Variants in NRXN3 observed in about 807,000 individuals in gnomAD.
NRXN3 encodes neurexin 3.
A neutral mutation model predicts 137.6 loss-of-function variants in NRXN3; 32 were observed. The ratio of observed to expected loss-of-function variants is 0.23; its 90% CI spans 0.18 to 0.31. The LOEUF is 0.31. Ranked by LOEUF, NRXN3 falls within the 10% of genes least tolerant of loss-of-function variation. NRXN3 has a pLI of 1.00. For missense variants in NRXN3, 1,574 were observed against 2,062.5 expected, an observed-to-expected ratio of 0.76 and a Z score of 4.59; for synonymous variants, 798 against 784.5, an observed-to-expected ratio of 1.02 and a Z score of -0.29.
At chr14:78,778,698 CTTTCTTT>C (rs1242379242) in intron 8 of NRXN3, among the ~76,000 whole-genome samples, 21 of 145,128 alleles carry the variant, frequency 1.4e-4, no homozygotes, top group Middle Eastern at 7.3e-3. Context: ...TTCTTTCTTT[CTTTCTTT>C]CTTTCTTTCT....
chr14:78,455,959 C>T (rs967463174), intron 4 of NRXN3, among the ~76,000 whole-genome samples: 7 of 152,202 alleles, frequency 4.6e-5, no homozygotes, highest in African/African-American at 1.4e-4. Flanking sequence ...CCTTAGTCTT[C>T]TCTTGGTCAA....
chr14:79,295,414 A>G (rs959299909), intron 15 of NRXN3, among the ~76,000 whole-genome samples: 1 of 152,160 alleles, frequency 6.6e-6, no homozygotes, highest in African/African-American at 2.4e-5. Flanking sequence ...ATAAAAAATA[A>G]AAAGCACTCT....
At chr14:78,643,928 G>A (rs1042094189) in intron 4 of NRXN3, among the ~76,000 whole-genome samples, 1 of 152,106 alleles carries the variant, frequency 6.6e-6, no homozygotes. Context: ...AGATCACAAA[G>A]TCAAGAGATT....
chr14:78,217,814 C>A (rs1229736449), intron 1 of NRXN3, among the ~76,000 whole-genome samples: 1 of 152,120 alleles, frequency 6.6e-6, no homozygotes, highest in Admixed American at 6.5e-5. Flanking sequence ...GGCGTGTACA[C>A]CATGCCTGGC....
intron 10 of NRXN3, among the ~76,000 whole-genome samples, chr14:78,937,081 G>A (rs1207262868): frequency 6.6e-6 from 1 of 151,404 alleles, no homozygotes; most frequent in Non-Finnish European, 1.5e-5. Context: ...AATTAGCCAG[G>A]TGTGGTGGCA....
chr14:79,080,920 A>T lies in NRXN3; in HGVS notation c.3262+92779A>T, dbSNP rs573335812. Among the ~76,000 whole-genome samples, 3 of 152,352 alleles carry T rather than the reference A, an allele frequency of 2.0e-5. No individual in the cohort carries two copies. The East Asian group carries it at 5.8e-4, about 29-fold the overall frequency. ...GTCTTTTGGCCAGAAGGAAATATAC[A>T]TTATATAATCCGGTGGTTTATCTTC... On this transcript the variant is annotated intron_variant, in intron 15 of 20. Transcript: ENST00000335750.
chr14:79,467,136 T>C (rs945708295), intron 15 of NRXN3, 85 bp from the exon 16 acceptor site: 56 of 1,300,954 alleles, frequency 4.3e-5, no homozygotes, highest in African/African-American at 5.9e-5. Flanking sequence ...TCTGCAGCTG[T>C]TCTGTGTAGG....
chr14:79,471,935 C>T (rs1054375198), intron 16 of NRXN3, among the ~76,000 whole-genome samples: 2 of 152,096 alleles, frequency 1.3e-5, no homozygotes, highest in Non-Finnish European at 2.9e-5. Flanking sequence ...ATTATTTCAT[C>T]GCCCAGGTAT....
chr14:78,936,027 G>A (rs1355789121), intron 10 of NRXN3, among the ~76,000 whole-genome samples: 5 of 152,118 alleles, frequency 3.3e-5, no homozygotes, highest in Middle Eastern at 3.4e-3. Context: ...CACGTAATCC[G>A]CTTCACATTC....
chr14:79,707,884 G>T (rs1037762550), intron 19 of NRXN3, among the ~76,000 whole-genome samples: 1 of 152,136 alleles, frequency 6.6e-6, no homozygotes, highest in Non-Finnish European at 1.5e-5. Context: ...AGGAGAGAAA[G>T]ACAGCAGCGA....
chr14:78,466,351 G>T (rs1462682034), intron 4 of NRXN3, among the ~76,000 whole-genome samples: 2 of 152,198 alleles, frequency 1.3e-5, no homozygotes, highest in Non-Finnish European at 2.9e-5. Flanking sequence ...TGTACAAAGG[G>T]ATAAGGATGG....
At chr14:79,538,723 A>G (rs1053391404) in intron 16 of NRXN3, among the ~76,000 whole-genome samples, 2 of 152,252 alleles carry the variant, frequency 1.3e-5, no homozygotes, top group East Asian at 1.9e-4. Flanking sequence ...TAGTTTGCCA[A>G]TCGCAGCCAC....
intron 20 of NRXN3, among the ~76,000 whole-genome samples, chr14:79,851,582 A>G (rs2099391486): frequency 6.6e-6 from 1 of 152,134 alleles, no homozygotes; most frequent in Admixed American, 6.6e-5. Flanking sequence ...AAAGTCCCCT[A>G]AAAGAGTTCT....
chr14:79,034,349 TACACACACAC>T (rs56226324), intron 15 of NRXN3, among the ~76,000 whole-genome samples: 24 of 144,426 alleles, frequency 1.7e-4, no homozygotes, highest in African/African-American at 2.6e-4. Context: ...TCTTATTTCT[TACACACACAC>T]ACACACACAC....
At chr14:78,259,077 A>T (rs1043689650) in intron 2 of NRXN3, among the ~76,000 whole-genome samples, 2 of 151,278 alleles carry the variant, frequency 1.3e-5, no homozygotes, top group South Asian at 2.1e-4. Flanking sequence ...GGTTGCAGTG[A>T]GCCAAGATCG....
intron 15 of NRXN3, among the ~76,000 whole-genome samples, chr14:79,011,323 G>C (rs925100024): frequency 1.9e-4 from 29 of 150,616 alleles, no homozygotes; most frequent in Non-Finnish European, 3.2e-4. Context: ...ACTAGGTGGC[G>C]CTTTGGTCTC....
At chr14:78,276,048 G>T (rs1214432641) in intron 2 of NRXN3, among the ~76,000 whole-genome samples, 1 of 152,192 alleles carries the variant, frequency 6.6e-6, no homozygotes, top group Admixed American at 6.5e-5. Flanking sequence ...TTGGAATAAT[G>T]CTCAGACCTG....
At chr14:79,215,408 T>TAC (rs1422212971) in intron 15 of NRXN3, among the ~76,000 whole-genome samples, 1 of 152,050 alleles carries the variant, frequency 6.6e-6, no homozygotes, top group African/African-American at 2.4e-5. Context: ...TGTGTATATA[T>TAC]ATATAGAATT....
chr14:79,300,668 T>G (rs2084987013), intron 15 of NRXN3, among the ~76,000 whole-genome samples: 1 of 152,024 alleles, frequency 6.6e-6, no homozygotes, highest in Admixed American at 6.6e-5. Context: ...CTTGAGAGCT[T>G]GGAAATCATA....
Sources: gnomAD v4.1 joint callset for allele counts (sites outside exome capture counted in the v4.1 genomes callset) on GRCh38, gnomAD v4.1.1 for gene constraint, MANE v1.5 for transcripts, NCBI Gene and HGNC (gene_info 2026-07-23, HGNC 2026-07-21) for gene names.